ZNF813: variants seen among roughly 807,000 people sequenced by gnomAD.
ZNF813 encodes the protein zinc finger protein 813.
Under a neutral mutation model 7.2 loss-of-function variants are expected in ZNF813, and 3 were observed. The ratio of observed to expected loss-of-function variants is 0.42; its 90% CI spans 0.19 to 1.08. The LOEUF (loss-of-function observed/expected upper bound fraction) is 1.08. Ranked by LOEUF, ZNF813 falls within the 50% of genes least tolerant of loss-of-function variation. The pLI is 0.30. For synonymous variants in ZNF813, 227 were observed against 256.3 expected, an observed-to-expected ratio of 0.89 and a Z score of 1.09; for missense variants, 714 against 753.3, an observed-to-expected ratio of 0.95 and a Z score of 0.61.
intron 1 of ZNF813, chr19:53,479,442 G>C (rs2086397052): frequency 5.2e-6 from 8 of 1,543,860 alleles, no homozygotes; most frequent in Non-Finnish European, 7.1e-6. Flanking sequence ...AGCACCTCCA[G>C]TGAGAAGCTG....
chr19:53,486,854 G>A, intron 3 of ZNF813, 96 bp downstream of exon 3: 2 of 1,584,972 alleles, frequency 1.3e-6, no homozygotes, highest in Non-Finnish European at 1.7e-6. Flanking sequence ...TGTCACCCAG[G>A]GTGGAGTGAA....
chr19:53,490,046 T>A (rs184058631), intron 3 of ZNF813, among the ~76,000 whole-genome samples: 2 of 152,350 alleles, frequency 1.3e-5, no homozygotes, highest in East Asian at 3.9e-4. Flanking sequence ...GAATATATAC[T>A]TTTCATTGGT....
intron 1 of ZNF813, among the ~76,000 whole-genome samples, chr19:53,478,438 C>G (rs1274456987): frequency 6.6e-6 from 1 of 152,074 alleles, no homozygotes; most frequent in East Asian, 1.9e-4. Flanking sequence ...TTCCGAAATA[C>G]TGGGATTACA....
intron 1 of ZNF813, among the ~76,000 whole-genome samples, chr19:53,477,942 T>G (rs547928848): frequency 4.3e-4 from 65 of 152,258 alleles, no homozygotes; most frequent in African/African-American, 1.5e-3. Flanking sequence ...TTGTTTAAAT[T>G]ATACAGATGA....
At chr19:53,488,526 AG>A (rs1226452301) in intron 3 of ZNF813, among the ~76,000 whole-genome samples, 2 of 150,540 alleles carry the variant, frequency 1.3e-5, no homozygotes, top group Non-Finnish European at 2.9e-5. Flanking sequence ...TTCCTGCCTC[AG>A]TCCCCCAAGT....
chr19:53,476,955 C>A (rs1347485435), intron 1 of ZNF813, among the ~76,000 whole-genome samples: 1 of 152,158 alleles, frequency 6.6e-6, no homozygotes, highest in Non-Finnish European at 1.5e-5. Context: ...AGCCACCGCG[C>A]CTGGCTGTGG....
Position 53,494,315 on chromosome 19 carries a change from T to G in ZNF813, c.*2229T>G, listed in dbSNP as rs1165314692. 1 of 152,150 alleles carries G rather than the reference T, an allele frequency of 6.6e-6. No individual in the cohort carries two copies. Among genetic ancestry groups the G allele is most frequent in the East Asian group, 1.9e-4 (1 of 5,190 alleles). 9.4% of individuals were successfully genotyped at this position (152,150 alleles called of 1,614,324 possible). On this transcript the variant is annotated 3_prime_UTR_variant, in exon 4 of 4. Coordinates refer to ENST00000396403, the MANE Select transcript of ZNF813 (RefSeq NM_001004301.4). ...TGTTATGTCTGAACAGGTCCTAGTT[T>G]GAGGCACCCAGAAGGATAAGACATG...
In ZNF813 at chr19:53,496,022, G is replaced by A. The variant is rs568503080; in HGVS notation, c.*3936G>A. 9.1e-5 allele frequency: 32 copies of A among 350,624 alleles called. No individual in the cohort carries two copies. Among genetic ancestry groups the A allele is most frequent in the Non-Finnish European group, 1.4e-4 (25 of 177,168 alleles). The allele number at this position is 350,624 out of a possible 1,614,324, so 21.7% of individuals were successfully genotyped here. ...CCAAAAGGAGACATTGGAGAAGAAC[G>A]AAGCGGGGTCTATAAGGAATTGCAC... On this transcript the variant is annotated 3_prime_UTR_variant, in exon 4 of 4. Transcript: ENST00000396403.
rs113723935 is a variant in ZNF813, at chr19:53,469,851, G to A, written c.-74+2062G>A. 8.4e-3 allele frequency among the ~76,000 whole-genome samples: 1,256 copies of A among 149,614 alleles called. 5 individuals are homozygous for A. Among genetic ancestry groups the A allele is most frequent in the African/African-American group, 0.022 (867 of 39,348 alleles). ...ATTTAACGGGGAGAGCAGAGGAGGC[G>A]CAGAGATGGTGTTGCGGGAAACTGA... On this transcript the variant is annotated intron_variant, in intron 1 of 3. Transcript: ENST00000396403.
intron 3 of ZNF813, chr19:53,488,332 T>G (rs771748820): frequency 1.1e-5 from 5 of 436,244 alleles, no homozygotes; most frequent in South Asian, 8.1e-5. Context: ...CTGTCTGTCT[T>G]TTAATTTACC....
In ZNF813 at chr19:53,483,855, G is replaced by T. The variant is rs768935086; in HGVS notation, c.15+18G>T. On this transcript the variant is annotated intron_variant, in intron 2 of 3. Coordinates refer to ENST00000396403, the MANE Select transcript of ZNF813 (RefSeq NM_001004301.4). ...TTCCTCAGGTGAGATGATATTTTTG[G>T]TGGATTGTTCTGTCTCCTTCCCCTC... 6.2e-7 allele frequency: 1 copy of T among 1,613,954 alleles called. No individual in the cohort carries two copies. Among genetic ancestry groups the T allele is most frequent in the Non-Finnish European group, 8.5e-7 (1 of 1,180,014 alleles).
At chr19:53,479,190 C>CT (rs1320231943) in intron 1 of ZNF813, among the ~76,000 whole-genome samples, 3 of 152,186 alleles carry the variant, frequency 2.0e-5, no homozygotes, top group African/African-American at 7.2e-5. Flanking sequence ...TTGCTTCGGC[C>CT]CCCCAAAGTG....
At chr19:53,488,480 C>A (rs1042018026) in intron 3 of ZNF813, among the ~76,000 whole-genome samples, 8 of 150,316 alleles carry the variant, frequency 5.3e-5, no homozygotes, top group Non-Finnish European at 1.0e-4. Context: ...ATGATCTTGG[C>A]TAACTGCAAC....
In ZNF813 at chr19:53,494,187, A is replaced by AG. The variant is rs1331056131; in HGVS notation, c.*2105dup. On this transcript the variant is annotated 3_prime_UTR_variant, in exon 4 of 4. Coordinates refer to ENST00000396403, the MANE Select transcript of ZNF813 (RefSeq NM_001004301.4). ...CTCTTGAATACAGCTTTTTAGTACA[A>AG]GGGGTCTTCAAGAAGTTCATGGAAA... The AG allele has an allele frequency of 6.6e-6, 1 of 152,200 alleles. No homozygotes were observed. Among genetic ancestry groups the AG allele is most frequent in the Non-Finnish European group, 1.5e-5 (1 of 68,042 alleles). The allele number at this position is 152,200 out of a possible 1,614,324, so 9.4% of individuals were successfully genotyped here. A position where few individuals can be genotyped will look rare whatever the true frequency, so the allele number is the denominator to read the frequency against.
chr19:53,495,944 TC>T lies in ZNF813; in HGVS notation c.*3860del. On this transcript the variant is annotated 3_prime_UTR_variant, in exon 4 of 4. Coordinates refer to ENST00000396403, the MANE Select transcript of ZNF813 (RefSeq NM_001004301.4). The stretch of plus-strand genomic sequence containing the variant: ...GGCCAAGAAACAAAAGCAAAATCAT[TC>T]CATTCCCCCAGTGGATTCAGATCAA... The T allele has an allele frequency of 2.9e-6, 1 of 345,130 alleles. No individual in the cohort carries two copies. The highest frequency in any genetic ancestry group is 2.8e-5 in the South Asian group (1 of 36,184). The allele number at this position is 345,130 out of a possible 1,614,324, so 21.4% of individuals were successfully genotyped here. A position where few individuals can be genotyped will look rare whatever the true frequency, so the allele number is the denominator to read the frequency against.
intron 3 of ZNF813, chr19:53,488,281 C>T (rs550510420): frequency 7.5e-5 from 34 of 455,198 alleles, no homozygotes; most frequent in African/African-American, 6.2e-4. Context: ...CCTCAGCCTC[C>T]GAAACTGCTG....
chr19:53,488,946 A>G (rs1412915449), intron 3 of ZNF813, among the ~76,000 whole-genome samples: 11 of 152,206 alleles, frequency 7.2e-5, no homozygotes, highest in Admixed American at 5.9e-4. Flanking sequence ...ACTAATTTTT[A>G]TGATTGTACA....
chr19:53,478,424 G>T (rs541923259), intron 1 of ZNF813, among the ~76,000 whole-genome samples: 1 of 151,932 alleles, frequency 6.6e-6, no homozygotes, highest in Non-Finnish European at 1.5e-5. Flanking sequence ...TTTCTGCCTT[G>T]GCCTTCCGAA....
chr19:53,494,668 GAAAA>G lies in ZNF813; in HGVS notation c.*2583_*2586del, dbSNP rs201381999. On this transcript the variant is annotated 3_prime_UTR_variant, in exon 4 of 4. Coordinates refer to ENST00000396403, the MANE Select transcript of ZNF813 (RefSeq NM_001004301.4). ...CAAAAAAAAAAAAAAGAAAAGAAAA[GAAAA>G]GAGACTCTATCAAAGCAATATAAAT... 0.12 allele frequency: 18,336 copies of G among 149,116 alleles called. 993 individuals are homozygous for G. Among genetic ancestry groups the G allele is most frequent in the Middle Eastern group, 0.22 (63 of 288 alleles). The allele number at this position is 149,116 out of a possible 1,614,324, so 9.2% of individuals were successfully genotyped here. A position where few individuals can be genotyped will look rare whatever the true frequency, so the allele number is the denominator to read the frequency against.
Sources: gnomAD v4.1 joint callset for allele counts (sites outside exome capture counted in the v4.1 genomes callset) on GRCh38, gnomAD v4.1.1 for gene constraint, MANE v1.5 for transcripts, NCBI Gene and HGNC (gene_info 2026-07-23, HGNC 2026-07-21) for gene names.